Variants in ARL15 observed in about 807,000 individuals in gnomAD.
The protein encoded by ARL15 is ADP-ribosylation factor-like protein 15.
ARL15 carries 19 observed loss-of-function variants against 25.2 expected under a neutral mutation model. That is an observed-to-expected ratio of 0.75 (90% CI 0.53 to 1.10). The LOEUF is 1.10. Ranked by LOEUF, ARL15 falls within the 50% of genes least tolerant of loss-of-function variation. The pLI, the probability that ARL15 is intolerant of heterozygous loss-of-function variation, is 0.00. For missense variants in ARL15, 220 were observed against 246.0 expected, an observed-to-expected ratio of 0.89 and a Z score of 0.71; for synonymous variants, 94 against 86.8, an observed-to-expected ratio of 1.08 and a Z score of -0.46.
intron 4 of ARL15, among the ~76,000 whole-genome samples, chr5:53,890,749 G>C (rs1248329467): frequency 6.6e-6 from 1 of 152,178 alleles, no homozygotes; most frequent in African/African-American, 2.4e-5. Context: ...TGATTGGCAT[G>C]ACTGCGTTCC....
intron 4 of ARL15, among the ~76,000 whole-genome samples, chr5:54,022,655 C>T (rs1478696268): frequency 6.6e-6 from 1 of 152,198 alleles, no homozygotes; most frequent in East Asian, 1.9e-4. Flanking sequence ...GAAATCCCAG[C>T]CCCTTATTTC....
chr5:54,074,834 T>A (rs1751543297), intron 4 of ARL15, among the ~76,000 whole-genome samples: 1 of 151,792 alleles, frequency 6.6e-6, no homozygotes, highest in Admixed American at 6.6e-5. Context: ...TATAAGAAGG[T>A]AAAAGAGTAA....
At chr5:53,966,108 T>C (rs535565567) in intron 4 of ARL15, among the ~76,000 whole-genome samples, 344 of 152,246 alleles carry the variant, frequency 2.3e-3, no homozygotes, top group Middle Eastern at 3.4e-3. Flanking sequence ...GAAAGACATA[T>C]GCAGGATTAG....
At chr5:54,139,636 A>G (rs1295333897) in intron 3 of ARL15, among the ~76,000 whole-genome samples, 2 of 152,174 alleles carry the variant, frequency 1.3e-5, no homozygotes, top group Admixed American at 1.3e-4. Flanking sequence ...CATGTAACCA[A>G]AAACCACTTG....
intron 4 of ARL15, among the ~76,000 whole-genome samples, chr5:54,084,108 C>T (rs1751883152): frequency 6.6e-6 from 1 of 152,136 alleles, no homozygotes; most frequent in African/African-American, 2.4e-5. Context: ...CCAGGAGGAC[C>T]ACTGGACATT....
chr5:54,194,074 A>G (rs1755484117), intron 1 of ARL15, among the ~76,000 whole-genome samples: 1 of 152,176 alleles, frequency 6.6e-6, no homozygotes, highest in African/African-American at 2.4e-5. Flanking sequence ...ATCGCCATGC[A>G]TTGGAATTAT....
At chr5:53,961,296 G>A (rs552513862) in intron 4 of ARL15, among the ~76,000 whole-genome samples, 5 of 151,850 alleles carry the variant, frequency 3.3e-5, no homozygotes, top group Admixed American at 3.3e-4. Flanking sequence ...TCAGGAGTTC[G>A]AGATCATCCT....
Position 54,167,087 on chromosome 5 carries a change from T to G in ARL15, c.193+4697A>C, listed in dbSNP as rs150898824. ...CCCAGTTCCTTGTGAGTTATAAGTT[T>G]TTCAGTCCATCTGGTGATTACAGGC... On this transcript the variant is annotated intron_variant, in intron 2 of 4. Coordinates refer to ENST00000504924, the MANE Select transcript of ARL15 (RefSeq NM_019087.3). 5.3e-3 allele frequency among the ~76,000 whole-genome samples: 814 copies of G among 152,292 alleles called. 6 individuals are homozygous for G. Among genetic ancestry groups the G allele is most frequent in the African/African-American group, 0.019 (775 of 41,560 alleles).
intron 4 of ARL15, among the ~76,000 whole-genome samples, chr5:54,064,206 T>TA (rs140884504): frequency 0.11 from 16,037 of 152,040 alleles, 1,022 homozygotes; most frequent in African/African-American, 0.17. Flanking sequence ...ACTGGGCAAG[T>TA]AAAAAAAGAG....
At chr5:54,084,045 G>A (rs1251317438) in intron 4 of ARL15, among the ~76,000 whole-genome samples, 1 of 152,172 alleles carries the variant, frequency 6.6e-6, no homozygotes, top group East Asian at 1.9e-4. Context: ...CCAAGGGGCT[G>A]AGTCGCCCAG....
chr5:54,176,018 G>A (rs757517766), intron 1 of ARL15, among the ~76,000 whole-genome samples: 6 of 152,128 alleles, frequency 3.9e-5, no homozygotes, highest in African/African-American at 9.6e-5. Context: ...TCATATAACC[G>A]AATGTCATAA....
At chr5:54,028,822 A>G (rs991860047) in intron 4 of ARL15, among the ~76,000 whole-genome samples, 1 of 152,130 alleles carries the variant, frequency 6.6e-6, no homozygotes, top group Non-Finnish European at 1.5e-5. Context: ...GATCAGCACC[A>G]TCAACATAGC....
intron 1 of ARL15, among the ~76,000 whole-genome samples, chr5:54,191,359 A>G (rs1308136553): frequency 2.0e-5 from 3 of 152,204 alleles, no homozygotes; most frequent in African/African-American, 7.2e-5. Context: ...CAGTGTTACA[A>G]GATGAATAAG....
intron 4 of ARL15, among the ~76,000 whole-genome samples, chr5:53,937,249 G>A (rs1020928988): frequency 6.6e-6 from 1 of 151,968 alleles, no homozygotes; most frequent in Non-Finnish European, 1.5e-5. Flanking sequence ...GAGATAAAAG[G>A]TTATCAGGGA....
intron 4 of ARL15, among the ~76,000 whole-genome samples, chr5:54,013,206 G>C (rs1234079774): frequency 1.3e-5 from 2 of 152,200 alleles, no homozygotes; most frequent in African/African-American, 2.4e-5. Flanking sequence ...AAATATGCAA[G>C]CCAATGAATT....
chr5:54,230,352 AAAAAAAAAAAGAAAAG>A (rs1426027122), intron 1 of ARL15, among the ~76,000 whole-genome samples: 1 of 151,116 alleles, frequency 6.6e-6, no homozygotes, highest in African/African-American at 2.4e-5. Flanking sequence ...CTCAGAAAAA[AAAAAAAAAAAGAAAAG>A]AAAAGAAAAA....
In ARL15 at chr5:53,992,562, G is replaced by A. The variant is rs788591; in HGVS notation, c.463-105849C>T. Among the ~76,000 whole-genome samples the A allele has an allele frequency of 5.3e-3, 801 of 152,162 alleles. 6 individuals carry two copies. The highest frequency in any genetic ancestry group is 1.0e-2 in the South Asian group (48 of 4,816). ...ATTTCACCTTTGCTTTCACAATTTTGTATCTGGCATGTGATTCCATTTAGG... is the reference window on the plus strand; with the variant it reads ...ATTTCACCTTTGCTTTCACAATTTTATATCTGGCATGTGATTCCATTTAGG... On this transcript the variant is annotated intron_variant, in intron 4 of 4. Transcript: ENST00000504924.
chr5:54,197,980 G>A (rs1410651599), intron 1 of ARL15, among the ~76,000 whole-genome samples: 1 of 151,730 alleles, frequency 6.6e-6, no homozygotes, highest in Admixed American at 6.6e-5. Flanking sequence ...GGGATGCAAG[G>A]CTGGTTCAAT....
At chr5:54,145,362 T>C (rs576400866) in intron 3 of ARL15, among the ~76,000 whole-genome samples, 1 of 152,332 alleles carries the variant, frequency 6.6e-6, no homozygotes, top group Admixed American at 6.5e-5. Flanking sequence ...AGAAATTAAA[T>C]GCAACAAATT....
Sources: allele counts gnomAD v4.1 joint callset (sites outside exome capture counted in the v4.1 genomes callset), GRCh38; gene constraint gnomAD v4.1.1; transcripts MANE v1.5; gene names NCBI Gene and HGNC (gene_info 2026-07-23, HGNC 2026-07-21).